The following SHISA6 variants were observed in gnomAD, a reference collection of about 807,000 sequenced individuals.
SHISA6 encodes protein shisa-6.
In SHISA6, 22 loss-of-function variants were observed where a neutral mutation model predicts 47.9. That is an observed-to-expected ratio of 0.46 (90% CI 0.33 to 0.66). The LOEUF (loss-of-function observed/expected upper bound fraction) is 0.66, where lower values mean the gene tolerates loss of function less well. Among genes scored for constraint, SHISA6 ranks in the 30% least tolerant of loss-of-function variants. SHISA6 has a pLI of 0.02. For missense variants in SHISA6, 680 were observed against 764.6 expected, an observed-to-expected ratio of 0.89 and a Z score of 1.30; for synonymous variants, 388 against 337.8, an observed-to-expected ratio of 1.15 and a Z score of -1.63.
chr17:11,251,786 G>A (rs1308543551), intron 1 of SHISA6, among the ~76,000 whole-genome samples: 1 of 152,078 alleles, frequency 6.6e-6, no homozygotes, highest in Non-Finnish European at 1.5e-5. Context: ...TCTGTTTCCG[G>A]TTCTCTCAAG....
At position 11,379,563 on chromosome 17, in the gene SHISA6, T is replaced by A. The variant is rs928364879; in HGVS notation, c.895+54T>A. 6.3e-6 allele frequency: 8 copies of A among 1,270,484 alleles called. No homozygotes were observed. The East Asian group carries it at 1.7e-4, about 27-fold the overall frequency. The allele number at this position is 1,270,484 out of a possible 1,614,324, so 78.7% of individuals were successfully genotyped here. A position where few individuals can be genotyped will look rare whatever the true frequency, so the allele number is the denominator to read the frequency against. Reference sequence around the variant, plus strand: ...TACAGAGGTTGCCTAGGGAACGCCATCTGAAATGAGAAGATGGTGTGGAGG... The same window carrying A: ...TACAGAGGTTGCCTAGGGAACGCCAACTGAAATGAGAAGATGGTGTGGAGG... On this transcript the variant is annotated intron_variant, in intron 3 of 5. Coordinates refer to ENST00000441885, the MANE Select transcript of SHISA6 (RefSeq NM_207386.4).
In SHISA6 at chr17:11,331,620, T is replaced by G. The variant is rs561835009; in HGVS notation, c.800-47794T>G. Among the ~76,000 whole-genome samples, 3 of 152,204 alleles carry G rather than the reference T, an allele frequency of 2.0e-5. No individual in the cohort carries two copies. In the South Asian group the frequency reaches 6.2e-4, roughly 32 times the overall value. On this transcript the variant is annotated intron_variant, in intron 2 of 5. Coordinates refer to ENST00000441885, the MANE Select transcript of SHISA6 (RefSeq NM_207386.4). ...TGCATGGTTTGGAGCACCCCATGCATGCACTCACAATGAAACTCCACACTC... is the reference window on the plus strand; with the variant it reads ...TGCATGGTTTGGAGCACCCCATGCAGGCACTCACAATGAAACTCCACACTC...
chr17:11,354,482 C>T (rs1269150124), intron 2 of SHISA6, among the ~76,000 whole-genome samples: 1 of 152,158 alleles, frequency 6.6e-6, no homozygotes, highest in African/African-American at 2.4e-5. Context: ...AAGCAGGGAC[C>T]CTCCGACCTC....
At chr17:11,267,498 A>G (rs1908469947) in intron 2 of SHISA6, among the ~76,000 whole-genome samples, 1 of 152,146 alleles carries the variant, frequency 6.6e-6, no homozygotes, top group African/African-American at 2.4e-5. Context: ...GCCTGCCCCC[A>G]TCCCAAAGAT....
intron 2 of SHISA6, among the ~76,000 whole-genome samples, chr17:11,368,938 G>A (rs1433839387): frequency 1.3e-5 from 2 of 152,214 alleles, no homozygotes; most frequent in Non-Finnish European, 2.9e-5. Flanking sequence ...TACAGGCATG[G>A]GCCACCGAAC....
At chr17:11,502,310 G>T (rs1347931410) in intron 3 of SHISA6, among the ~76,000 whole-genome samples, 2 of 150,840 alleles carry the variant, frequency 1.3e-5, no homozygotes, top group African/African-American at 4.9e-5. Flanking sequence ...TCGGGAGGCT[G>T]AGGCAGGAGA....
intron 3 of SHISA6, among the ~76,000 whole-genome samples, chr17:11,535,063 G>T (rs1279341714): frequency 6.6e-6 from 1 of 152,150 alleles, no homozygotes; most frequent in African/African-American, 2.4e-5. Context: ...AGGAGGCAGA[G>T]GTTGCGGTGA....
At chr17:11,463,261 T>C (rs1473197206) in intron 3 of SHISA6, among the ~76,000 whole-genome samples, 1 of 152,196 alleles carries the variant, frequency 6.6e-6, no homozygotes, top group Non-Finnish European at 1.5e-5. Context: ...GAGATAATGT[T>C]TGTAGAGCTC....
chr17:11,300,149 C>CAAAAAAAAAAAAAA (rs56060137), intron 2 of SHISA6, among the ~76,000 whole-genome samples: 6 of 129,146 alleles, frequency 4.6e-5, no homozygotes, highest in South Asian at 2.5e-4. Context: ...CATCTTAAAA[C>CAAAAAAAAAAAAAA]AAAAAAAAAA....
intron 3 of SHISA6, among the ~76,000 whole-genome samples, chr17:11,446,069 G>A (rs1401085471): frequency 2.0e-5 from 3 of 151,972 alleles, no homozygotes; most frequent in Non-Finnish European, 2.9e-5. Flanking sequence ...CTCGTGATCC[G>A]CCCGCCTCGG....
At chr17:11,273,370 G>A (rs1258852871) in intron 2 of SHISA6, among the ~76,000 whole-genome samples, 1 of 152,194 alleles carries the variant, frequency 6.6e-6, no homozygotes, top group Non-Finnish European at 1.5e-5. Flanking sequence ...TGGATCTAGG[G>A]CTGTGGGGAG....
chr17:11,544,560 G>A (rs1056908920), intron 3 of SHISA6, among the ~76,000 whole-genome samples: 2 of 152,102 alleles, frequency 1.3e-5, no homozygotes, highest in Non-Finnish European at 2.9e-5. Flanking sequence ...TAGTGACAAC[G>A]CCAAATACTG....
chr17:11,538,212 C>T (rs931609430), intron 3 of SHISA6, among the ~76,000 whole-genome samples: 1 of 152,100 alleles, frequency 6.6e-6, no homozygotes, highest in Non-Finnish European at 1.5e-5. Context: ...TACAGGCACC[C>T]ACCACCATGC....
chr17:11,525,159 A>G (rs1182639550), intron 3 of SHISA6, among the ~76,000 whole-genome samples: 1 of 152,192 alleles, frequency 6.6e-6, no homozygotes, highest in Non-Finnish European at 1.5e-5. Context: ...AAGCTGAATT[A>G]TGTGGCCCAG....
At chr17:11,244,764 A>G (rs755870844) in intron 1 of SHISA6, among the ~76,000 whole-genome samples, 2 of 152,234 alleles carry the variant, frequency 1.3e-5, no homozygotes, top group African/African-American at 2.4e-5. Flanking sequence ...ATTCCTTGAA[A>G]TAGCTCAGCA....
intron 3 of SHISA6, among the ~76,000 whole-genome samples, chr17:11,529,995 A>G (rs12601324): frequency 0.2 from 30,939 of 152,060 alleles, 3,333 homozygotes; most frequent in South Asian, 0.3. Context: ...TCTAGTTGGC[A>G]GTGACCTCCC....
intron 3 of SHISA6, among the ~76,000 whole-genome samples, chr17:11,409,257 T>C (rs1220904492): frequency 2.6e-5 from 4 of 152,230 alleles, no homozygotes; most frequent in Non-Finnish European, 5.9e-5. Context: ...TCCAATGTTG[T>C]TCTATAGAGA....
chr17:11,404,713 G>A (rs183225354), intron 3 of SHISA6, among the ~76,000 whole-genome samples: 2 of 152,302 alleles, frequency 1.3e-5, no homozygotes, highest in East Asian at 1.9e-4. Context: ...ACGTACAGAC[G>A]AGTGCAAGGA....
At chr17:11,292,947 C>G (rs909061912) in intron 2 of SHISA6, among the ~76,000 whole-genome samples, 6 of 151,858 alleles carry the variant, frequency 4.0e-5, no homozygotes, top group Middle Eastern at 3.4e-3. Flanking sequence ...GCCTCAGCCT[C>G]CGGAGTAGCG....
Sources: gnomAD v4.1 joint callset for allele counts (sites outside exome capture counted in the v4.1 genomes callset) on GRCh38, gnomAD v4.1.1 for gene constraint, MANE v1.5 for transcripts, NCBI Gene and HGNC (gene_info 2026-07-23, HGNC 2026-07-21) for gene names.